Variants in SPATA6 observed in about 807,000 individuals in gnomAD.
SPATA6 encodes spermatogenesis-associated protein 6.
In SPATA6, 56 loss-of-function variants were observed where a neutral mutation model predicts 65.3. The observed-to-expected ratio is 0.86, with a 90% CI of 0.69 to 1.07. The LOEUF (loss-of-function observed/expected upper bound fraction) is 1.07. SPATA6 is among the 50% of genes least tolerant of loss of function. SPATA6 has a pLI of 0.00. For synonymous variants in SPATA6, 199 were observed against 213.2 expected, an observed-to-expected ratio of 0.93 and a Z score of 0.58; for missense variants, 590 against 594.8, an observed-to-expected ratio of 0.99 and a Z score of 0.08.
chr1:48,305,756 T>C (rs370000870), intron 12 of SPATA6, 31 bp downstream of exon 12: 3 of 1,487,126 alleles, frequency 2.0e-6, no homozygotes, highest in Non-Finnish European at 2.7e-6. Context: ...ATCAGAACTA[T>C]GAGAAGGATA....
At chr1:48,372,369 A>C (rs1387474680) in intron 9 of SPATA6, among the ~76,000 whole-genome samples, 3 of 152,324 alleles carry the variant, frequency 2.0e-5, no homozygotes, top group Admixed American at 6.5e-5. Context: ...CAAAGCTTAA[A>C]GCTCCAAAAT....
At chr1:48,331,698 A>G (rs1272045218) in intron 11 of SPATA6, among the ~76,000 whole-genome samples, 1 of 152,204 alleles carries the variant, frequency 6.6e-6, no homozygotes, top group East Asian at 1.9e-4. Context: ...AGAGAGGCCG[A>G]TATTCAAATT....
intron 9 of SPATA6, among the ~76,000 whole-genome samples, chr1:48,362,337 G>A (rs528140666): frequency 2.9e-4 from 44 of 152,222 alleles, no homozygotes; most frequent in Non-Finnish European, 4.9e-4. Context: ...ATCCAAATAC[G>A]AACCAATTGG....
chr1:48,387,196 G>C (rs554155590), intron 8 of SPATA6, among the ~76,000 whole-genome samples: 95 of 152,232 alleles, frequency 6.2e-4, no homozygotes, highest in African/African-American at 2.2e-3. Flanking sequence ...CATGAGAACA[G>C]CATGGGAAAG....
the SPATA6 span, among the ~76,000 whole-genome samples, chr1:48,283,811 T>A: frequency 5.9e-5 from 9 of 152,280 alleles, no homozygotes; most frequent in East Asian, 1.7e-3. Flanking sequence ...GTTATTCTGA[T>A]GGGCTTCCCT....
At chr1:48,435,548 A>G (rs1654836166) in intron 3 of SPATA6, among the ~76,000 whole-genome samples, 1 of 152,032 alleles carries the variant, frequency 6.6e-6, no homozygotes, top group Non-Finnish European at 1.5e-5. Flanking sequence ...CACACCAATC[A>G]GCACTCTGTA....
chr1:48,336,808 A>C (rs750943140), intron 11 of SPATA6, among the ~76,000 whole-genome samples: 1 of 152,010 alleles, frequency 6.6e-6, no homozygotes, highest in Non-Finnish European at 1.5e-5. Flanking sequence ...ATTTAAGAAA[A>C]AATGCATAGG....
chr1:48,265,566 C>T, the SPATA6 span, among the ~76,000 whole-genome samples: 14 of 151,766 alleles, frequency 9.2e-5, no homozygotes, highest in Admixed American at 2.6e-4. Flanking sequence ...GCTAACACAA[C>T]GAAAATATTT....
chr1:48,293,668 A>G (rs561419733), downstream of SPATA6, among the ~76,000 whole-genome samples: 4 of 152,320 alleles, frequency 2.6e-5, no homozygotes, highest in South Asian at 4.1e-4. Flanking sequence ...ATATCAGCTG[A>G]TATCTGTTCT....
At chr1:48,317,436 C>T (rs1482272546) in intron 11 of SPATA6, among the ~76,000 whole-genome samples, 1 of 151,706 alleles carries the variant, frequency 6.6e-6, no homozygotes, top group East Asian at 1.9e-4. Context: ...GACAAAAAAC[C>T]AAACACCGCA....
intron 11 of SPATA6, among the ~76,000 whole-genome samples, chr1:48,309,274 A>G (rs1371410159): frequency 1.3e-5 from 2 of 151,922 alleles, no homozygotes; most frequent in African/African-American, 4.8e-5. Flanking sequence ...ACAAATCCTT[A>G]TGTGTTCATT....
At chr1:48,310,775 A>C (rs907273672) in intron 11 of SPATA6, among the ~76,000 whole-genome samples, 7 of 152,198 alleles carry the variant, frequency 4.6e-5, no homozygotes, top group Non-Finnish European at 1.0e-4. Context: ...AACGATAGCA[A>C]AATACATATT....
intron 1 of SPATA6, among the ~76,000 whole-genome samples, chr1:48,459,750 T>C (rs1351867288): frequency 6.6e-6 from 1 of 152,154 alleles, no homozygotes; most frequent in Non-Finnish European, 1.5e-5. Context: ...CATAAATTTT[T>C]TTAAAAAATC....
intron 7 of SPATA6, among the ~76,000 whole-genome samples, chr1:48,396,924 T>C (rs572377963): frequency 6.6e-6 from 1 of 151,800 alleles, no homozygotes; most frequent in East Asian, 1.9e-4. Context: ...GTAAATTTTA[T>C]AATATATATA....
At chr1:48,368,128 C>A (rs1647092569) in intron 9 of SPATA6, among the ~76,000 whole-genome samples, 2 of 152,184 alleles carry the variant, frequency 1.3e-5, no homozygotes, top group South Asian at 2.1e-4. Context: ...TTGGCCCCCA[C>A]TCTCTCCTGG....
chr1:48,456,574 A>G (rs1168322800), intron 1 of SPATA6, among the ~76,000 whole-genome samples: 2 of 152,178 alleles, frequency 1.3e-5, no homozygotes, highest in Non-Finnish European at 2.9e-5. Context: ...CAAAGATCTG[A>G]AATCTATTGT....
chr1:48,404,206 C>A (rs997141616), intron 5 of SPATA6, among the ~76,000 whole-genome samples: 2 of 151,888 alleles, frequency 1.3e-5, no homozygotes, highest in Non-Finnish European at 2.9e-5. Flanking sequence ...TATAAACATA[C>A]TTAATAAATT....
chr1:48,389,036 G>A (rs1475486673), intron 8 of SPATA6, among the ~76,000 whole-genome samples: 5 of 152,018 alleles, frequency 3.3e-5, no homozygotes, highest in Admixed American at 6.6e-5. Context: ...GTAGAGATGG[G>A]GTTTCACCAT....
At chr1:48,368,889 G>A (rs1160132128) in intron 9 of SPATA6, among the ~76,000 whole-genome samples, 1 of 152,098 alleles carries the variant, frequency 6.6e-6, no homozygotes. Flanking sequence ...TAGATTTCCA[G>A]TTTTTCTGCT....
Sources: gnomAD v4.1 joint callset for allele counts (sites outside exome capture counted in the v4.1 genomes callset) on GRCh38, gnomAD v4.1.1 for gene constraint, MANE v1.5 for transcripts, NCBI Gene and HGNC (gene_info 2026-07-23, HGNC 2026-07-21) for gene names.